Variants in MFAP2 observed in about 807,000 individuals in gnomAD.
MFAP2 encodes the protein microfibril associated protein 2.
MFAP2 carries 23 observed loss-of-function variants against 30.6 expected under a neutral mutation model. The observed-to-expected ratio is 0.75, with a 90% confidence interval of 0.54 to 1.07. The LOEUF is 1.07. Ranked by LOEUF, MFAP2 falls within the 50% of genes least tolerant of loss-of-function variation. The pLI is 0.00. For missense variants in MFAP2, 198 were observed against 223.8 expected, an observed-to-expected ratio of 0.88 and a Z score of 0.74; for synonymous variants, 73 against 85.7, an observed-to-expected ratio of 0.85 and a Z score of 0.82.
Position 16,977,278 on chromosome 1 carries a change from G to A in MFAP2, c.38-80C>T, listed in dbSNP as rs2076601536. On this transcript the variant is annotated intron_variant, in intron 2 of 8. Transcript: ENST00000375535. ...GAGGCGCTTCTGGAGAGTGGAGGCG[G>A]GGGTCACAAGGTCAGGCCCATAAGA... 119 of 1,381,518 alleles carry A rather than the reference G, an allele frequency of 8.6e-5. 2 individuals are homozygous for A. In the South Asian group the frequency reaches 1.5e-3, roughly 17 times the overall value. The allele number at this position is 1,381,518 out of a possible 1,614,324, so 85.6% of individuals were successfully genotyped here. A position where few individuals can be genotyped will look rare whatever the true frequency, so the allele number is the denominator to read the frequency against.
Position 16,976,143 on chromosome 1 carries a change from G to A in MFAP2, c.286+358C>T. The A allele has an allele frequency of 2.0e-6, 1 of 500,854 alleles. No homozygotes were observed. The highest frequency in any genetic ancestry group is 3.6e-6 in the Non-Finnish European group (1 of 275,892). 31.0% of individuals were successfully genotyped at this position (500,854 alleles called of 1,614,324 possible). A position where few individuals can be genotyped will look rare whatever the true frequency, so the allele number is the denominator to read the frequency against. On this transcript the variant is annotated intron_variant, in intron 6 of 8. Coordinates refer to ENST00000375535, the MANE Select transcript of MFAP2 (RefSeq NM_002403.4). The surrounding 1 kb of genome is among the most constrained non-coding windows in gnomAD (Gnocchi z 5.5). Reference sequence around the variant, plus strand: ...AGCTCTCAGCTAGGGCAGCCGGAGGGCACCGCTCAGCCAGCCTGCACTCCC... The same window carrying A: ...AGCTCTCAGCTAGGGCAGCCGGAGGACACCGCTCAGCCAGCCTGCACTCCC...
At chr1:16,979,939 C>A (rs918815321) in intron 1 of MFAP2, among the ~76,000 whole-genome samples, 1 of 152,156 alleles carries the variant, frequency 6.6e-6, no homozygotes, top group Non-Finnish European at 1.5e-5. Context: ...TTGGGGCGTG[C>A]GGGAGGCCAG....
In MFAP2 at chr1:16,975,327, GT is replaced by G; in HGVS notation, c.389del (p.Tyr130SerfsTer33). The G allele has an allele frequency of 6.2e-7, 1 of 1,613,952 alleles. No homozygotes were observed. Among genetic ancestry groups the G allele is most frequent in the Non-Finnish European group, 8.5e-7 (1 of 1,179,934 alleles). ...GAACACAGATCTCCTTGTTAATGAC[GT>G]ACACACGGCGGAGGCTGCGGGGACA... ...EVCFYSLRRV[Y>X]VINKEICVRT... On this transcript the variant is annotated frameshift_variant, in exon 8 of 9. Transcript: ENST00000375535. LOFTEE classifies it high-confidence loss of function. The surrounding 1 kb of genome is among the most constrained non-coding windows in gnomAD (Gnocchi z 5.0).
Position 16,976,451 on chromosome 1 carries a change from C to T in MFAP2, c.286+50G>A, listed in dbSNP as rs774556561. ...CACCAGCACCACCCCCTACTCCACC[C>T]CAACTTCAGGGCGTGCCTCCATTTT... On this transcript the variant is annotated intron_variant, in intron 6 of 8. Transcript: ENST00000375535. The surrounding 1 kb of genome is among the most constrained non-coding windows in gnomAD (Gnocchi z 5.5). 2 of 1,612,988 alleles carry T rather than the reference C, an allele frequency of 1.2e-6. No individual in the cohort carries two copies. Among genetic ancestry groups the T allele is most frequent in the Admixed American group, 3.3e-5 (2 of 60,024 alleles).
At chr1:16,978,142 A>G (rs2076608327) in intron 2 of MFAP2, 95 bp downstream of exon 2, 1 of 1,374,160 alleles carries the variant, frequency 7.3e-7, no homozygotes, top group Non-Finnish European at 1.0e-6. Context: ...TTCTGGTCAT[A>G]AGTCGTGACA....
In MFAP2 at chr1:16,974,683, A is replaced by G; in HGVS notation, c.*237T>C. 1.7e-5 allele frequency: 2 copies of G among 118,474 alleles called. No individual in the cohort carries two copies. Among genetic ancestry groups the G allele is most frequent in the Non-Finnish European group, 2.7e-5 (2 of 72,764 alleles). The allele number at this position is 118,474 out of a possible 1,614,324, so 7.3% of individuals were successfully genotyped here. The stretch of plus-strand genomic sequence containing the variant: ...CCCAGGTCCCACAGAGAGGCCTGGG[A>G]TACTCCCCCAACCCGAGGGGCAGAC... On this transcript the variant is annotated 3_prime_UTR_variant, in exon 9 of 9. Transcript: ENST00000375535.
Position 16,975,011 on chromosome 1 carries a change from C to A in MFAP2, c.461G>T (p.Arg154Leu), listed in dbSNP as rs761514757. ...HEELLRADLC[R>L]DKFSKCGVMA... is the part of the protein sequence containing the mutation. ...CACGCCACATTTGGAGAACTTGTCCCGACAGAGGTCAGCTATTGGGGGCAG... is the reference window on the plus strand; with the variant it reads ...CACGCCACATTTGGAGAACTTGTCCAGACAGAGGTCAGCTATTGGGGGCAG... The change falls in exon 9 of 9, where the codon CGG becomes CTG. Residue 154 changes from arginine (R) to leucine (L), a missense_variant. Arg to Leu is a moderately radical substitution (Grantham distance 102). Transcript: ENST00000375535. The surrounding 1 kb of genome is among the most constrained non-coding windows in gnomAD (Gnocchi z 5.0). 6.0e-6 allele frequency: 5 copies of A among 829,572 alleles called. No homozygotes were observed. In the Admixed American group the frequency reaches 8.2e-5, roughly 14 times the overall value. 51.4% of individuals were successfully genotyped at this position (829,572 alleles called of 1,614,324 possible). A position where few individuals can be genotyped will look rare whatever the true frequency, so the allele number is the denominator to read the frequency against.
At chr1:16,978,215 C>G in intron 2 of MFAP2, 22 bp downstream of exon 2, 1 of 1,562,974 alleles carries the variant, frequency 6.4e-7, no homozygotes, top group Non-Finnish European at 8.7e-7. Flanking sequence ...AGGAGCTACC[C>G]CCTGCCCCAG....
intron 1 of MFAP2, among the ~76,000 whole-genome samples, chr1:16,980,063 T>G (rs2076624626): frequency 6.6e-6 from 1 of 150,524 alleles, no homozygotes; most frequent in African/African-American, 2.5e-5. Flanking sequence ...GCCCCGACGC[T>G]CGCTCAGACA....
Position 16,976,345 on chromosome 1 carries a change from G to C in MFAP2, c.286+156C>G. The C allele has an allele frequency of 1.1e-6, 1 of 911,254 alleles. No homozygotes were observed. Among genetic ancestry groups the C allele is most frequent in the Non-Finnish European group, 1.8e-6 (1 of 570,450 alleles). 56.4% of individuals were successfully genotyped at this position (911,254 alleles called of 1,614,324 possible). ...GGGACCTCCTGGAGCTGCCTGGGGG[G>C]CCTGGTGATGCCAGCCTACGGCAGT... is the stretch of plus-strand genomic sequence containing the variant. On this transcript the variant is annotated intron_variant, in intron 6 of 8. Coordinates refer to ENST00000375535, the MANE Select transcript of MFAP2 (RefSeq NM_002403.4). The surrounding 1 kb of genome is among the most constrained non-coding windows in gnomAD (Gnocchi z 5.5).
chr1:16,976,187 A>T lies in MFAP2; in HGVS notation c.286+314T>A. The T allele has an allele frequency of 1.8e-6, 1 of 547,368 alleles. No homozygotes were observed. Among genetic ancestry groups the T allele is most frequent in the Non-Finnish European group, 3.3e-6 (1 of 304,418 alleles). The allele number at this position is 547,368 out of a possible 1,614,324, so 33.9% of individuals were successfully genotyped here. A position where few individuals can be genotyped will look rare whatever the true frequency, so the allele number is the denominator to read the frequency against. ...CACTCCCTGGCCCTTCCTCGCCTCC[A>T]CATGTGCACCACTCAGTCTCTCTGG... On this transcript the variant is annotated intron_variant, in intron 6 of 8. Coordinates refer to ENST00000375535, the MANE Select transcript of MFAP2 (RefSeq NM_002403.4). The surrounding 1 kb of genome is among the most constrained non-coding windows in gnomAD (Gnocchi z 5.5).
At position 16,974,886 on chromosome 1, in the gene MFAP2, C is replaced by G. The variant is rs1447947622; in HGVS notation, c.*34G>C. 1 of 613,792 alleles carries G rather than the reference C, an allele frequency of 1.6e-6. No individual in the cohort carries two copies. Among genetic ancestry groups the G allele is most frequent in the Non-Finnish European group, 2.9e-6 (1 of 348,560 alleles). 38.0% of individuals were successfully genotyped at this position (613,792 alleles called of 1,614,324 possible). Reference sequence around the variant, plus strand: ...GGCAGGGCCCGAGGGCCCCAGATCCCAGGAGGGCCAGGACTCAGGATGCCA... The same window carrying G: ...GGCAGGGCCCGAGGGCCCCAGATCCGAGGAGGGCCAGGACTCAGGATGCCA... On this transcript the variant is annotated 3_prime_UTR_variant, in exon 9 of 9. Transcript: ENST00000375535.
At position 16,975,483 on chromosome 1, in the gene MFAP2, G is replaced by A. The variant is rs556622502; in HGVS notation, c.375-141C>T. On this transcript the variant is annotated intron_variant, in intron 7 of 8. Transcript: ENST00000375535. The surrounding 1 kb of genome is among the most constrained non-coding windows in gnomAD (Gnocchi z 5.0). ...GAACCTGGCACTGGAGCCCAGGAGT[G>A]GAGGAGGTCCCTGGCCCAGGCTCAA... 1.3e-5 allele frequency: 16 copies of A among 1,196,370 alleles called. No homozygotes were observed. The African/African-American group carries it at 2.4e-4, about 18-fold the overall frequency. The allele number at this position is 1,196,370 out of a possible 1,614,324, so 74.1% of individuals were successfully genotyped here. A position where few individuals can be genotyped will look rare whatever the true frequency, so the allele number is the denominator to read the frequency against.
At position 16,975,136 on chromosome 1, in the gene MFAP2, G is replaced by GGGA. The variant is rs2076577865; in HGVS notation, c.449-116_449-114dup. ...TTTGAGGATGAAAAGTAGCAAGGAGGGGAGCTCAGGGTGTCCTGGAAGTGG... is the reference window on the plus strand; with the variant it reads ...TTTGAGGATGAAAAGTAGCAAGGAGGGGAGGAGCTCAGGGTGTCCTGGAAGTGG... On this transcript the variant is annotated intron_variant, in intron 8 of 8. Coordinates refer to ENST00000375535, the MANE Select transcript of MFAP2 (RefSeq NM_002403.4). The surrounding 1 kb of genome is among the most constrained non-coding windows in gnomAD (Gnocchi z 5.0). 9 of 1,268,296 alleles carry GGGA rather than the reference G, an allele frequency of 7.1e-6. No individual in the cohort carries two copies. The allele number at this position is 1,268,296 out of a possible 1,614,324, so 78.6% of individuals were successfully genotyped here.
intron 1 of MFAP2, among the ~76,000 whole-genome samples, chr1:16,980,266 G>GGGCCCCCCCCCCCCCCCCCCCCC (rs1557656617): frequency 3.0e-5 from 2 of 66,634 alleles, no homozygotes; most frequent in African/African-American, 6.5e-5. Flanking sequence ...ATTCCCACCG[G>GGGCCCCCCCCCCCCCCCCCCCCC]ACCCCCCCCC....
In MFAP2 at chr1:16,975,207, G is replaced by A; in HGVS notation, c.448+62C>T. 1.3e-6 allele frequency: 2 copies of A among 1,503,820 alleles called. No homozygotes were observed. Among genetic ancestry groups the A allele is most frequent in the Non-Finnish European group, 1.8e-6 (2 of 1,086,242 alleles). 93.2% of individuals were successfully genotyped at this position (1,503,820 alleles called of 1,614,324 possible). On this transcript the variant is annotated intron_variant, in intron 8 of 8. Coordinates refer to ENST00000375535, the MANE Select transcript of MFAP2 (RefSeq NM_002403.4). The surrounding 1 kb of genome is among the most constrained non-coding windows in gnomAD (Gnocchi z 5.0). ...TGAATAAACATCAGGTGGGTGGCTA[G>A]GTGGCCAGATAATGATGCGGGTGTG...
rs753829704 is a variant in MFAP2, at chr1:16,976,810, G to A, written c.155-16C>T. 5 of 1,613,914 alleles carry A rather than the reference G, an allele frequency of 3.1e-6. No individual in the cohort carries two copies. The East Asian group carries it at 8.9e-5, about 29-fold the overall frequency. The stretch of plus-strand genomic sequence containing the variant: ...GGAGTCACCTCTGCAGCCAGGGGAG[G>A]ATAAGGGGGTCTGCTCCCTCTACCC... On this transcript the variant is annotated splice_polypyrimidine_tract_variant and intron_variant, in intron 4 of 8. Transcript: ENST00000375535. The surrounding 1 kb of genome is among the most constrained non-coding windows in gnomAD (Gnocchi z 5.5).
In MFAP2 at chr1:16,975,541, A is replaced by G. The variant is rs1426319843; in HGVS notation, c.374+102T>C. On this transcript the variant is annotated intron_variant, in intron 7 of 8. Transcript: ENST00000375535. The surrounding 1 kb of genome is among the most constrained non-coding windows in gnomAD (Gnocchi z 5.0). ...ACTGAGCTCAACTTAAGGACTCACT[A>G]TCTTTCCTCCAACTCCCACCTTGGC... 4.5e-6 allele frequency: 6 copies of G among 1,327,850 alleles called. No individual in the cohort carries two copies. The highest frequency in any genetic ancestry group is 1.9e-5 in the Admixed American group (1 of 51,904). The allele number at this position is 1,327,850 out of a possible 1,614,324, so 82.3% of individuals were successfully genotyped here. A position where few individuals can be genotyped will look rare whatever the true frequency, so the allele number is the denominator to read the frequency against.
At position 16,974,734 on chromosome 1, in the gene MFAP2, C is replaced by G; in HGVS notation, c.*186G>C. On this transcript the variant is annotated 3_prime_UTR_variant, in exon 9 of 9. Transcript: ENST00000375535. Reference sequence around the variant, plus strand: ...TGGGCAGTGGGGAGCCCCCATTGTGCCCCAGAGGTGGCCACAGGCTGAAGG... The same window carrying G: ...TGGGCAGTGGGGAGCCCCCATTGTGGCCCAGAGGTGGCCACAGGCTGAAGG... 1 of 280,324 alleles carries G rather than the reference C, an allele frequency of 3.6e-6. No homozygotes were observed. The highest frequency in any genetic ancestry group is 6.0e-6 in the Non-Finnish European group (1 of 167,554). 17.4% of individuals were successfully genotyped at this position (280,324 alleles called of 1,614,324 possible).
Sources: allele counts gnomAD v4.1 joint callset (sites outside exome capture counted in the v4.1 genomes callset), GRCh38; gene constraint gnomAD v4.1.1; non-coding constraint Gnocchi (gnomAD v3.1); transcripts MANE v1.5; gene names NCBI Gene and HGNC (gene_info 2026-07-23, HGNC 2026-07-21).